Variants in TTC12 observed in about 807,000 individuals in gnomAD.
TTC12 encodes the protein tetratricopeptide repeat protein 12.
TTC12 carries 70 observed loss-of-function variants against 90.1 expected under a neutral mutation model. That is an observed-to-expected ratio of 0.78 (90% CI 0.64 to 0.95). The LOEUF (loss-of-function observed/expected upper bound fraction) is 0.95. TTC12 is among the 40% of genes least tolerant of loss of function. The pLI is 0.00. For synonymous variants in TTC12, 296 were observed against 311.5 expected (o/e 0.95, Z 0.53); for missense variants, 819 against 846.1 (o/e 0.97, Z 0.40).
chr11:113,368,662 T>C, downstream of TTC12: 1 of 682,872 alleles, frequency 1.5e-6, no homozygotes. Context: ...GGACTGAGGT[T>C]CAGAGTTGAG....
intron 5 of TTC12, 67 bp downstream of exon 5, chr11:113,324,749 G>C: frequency 7.1e-7 from 1 of 1,405,998 alleles, no homozygotes; most frequent in Non-Finnish European, 1.0e-6. Flanking sequence ...ACGAAGGCCT[G>C]TATGCTGACA....
At chr11:113,330,647 C>G (rs74409765) in intron 7 of TTC12, among the ~76,000 whole-genome samples, 2 of 152,094 alleles carry the variant, frequency 1.3e-5, no homozygotes, top group Non-Finnish European at 1.5e-5. Flanking sequence ...TACTCTGTCA[C>G]GGGGGTTTTA....
At chr11:113,322,910 C>A (rs1947429517) in intron 2 of TTC12, among the ~76,000 whole-genome samples, 1 of 152,126 alleles carries the variant, frequency 6.6e-6, no homozygotes, top group African/African-American at 2.4e-5. Context: ...CCTGTACTTA[C>A]ATGTTTGTCT....
chr11:113,366,030 G>A (rs1017896732), intron 21 of TTC12, among the ~76,000 whole-genome samples, 195 bp from the exon 22 acceptor site: 7 of 152,156 alleles, frequency 4.6e-5, no homozygotes, highest in Non-Finnish European at 7.4e-5. Flanking sequence ...TCAGTGCTTT[G>A]TGGGCCTCCC....
At position 113,364,869 on chromosome 11, in the gene TTC12, G is replaced by C; in HGVS notation, c.1851G>C (p.Glu617Asp). The change falls in exon 21 of 22, where the codon GAG (glutamate) becomes GAC (aspartate). Residue 617 changes from glutamate to aspartate, a missense_variant. By Grantham distance (45) the Glu-to-Asp change is conservative. Transcript: ENST00000529221. ...TTATGATGAAGCTGCTCAGCTCGGAGGATGAGGTTCTGGTGGGCAACGCTG... is the reference window on the plus strand; with the variant it reads ...TTATGATGAAGCTGCTCAGCTCGGACGATGAGGTTCTGGTGGGCAACGCTG... ...LSVMMKLLSS[E>D]DEVLVGNAAL... 6.2e-7 allele frequency: 1 copy of C among 1,614,238 alleles called. No individual in the cohort carries two copies.
intron 12 of TTC12, 77 bp from the exon 13 acceptor site, chr11:113,344,195 A>T (rs530140149): frequency 1.4e-6 from 2 of 1,473,856 alleles, no homozygotes; most frequent in East Asian, 2.3e-5. Context: ...TGAGTTTCCC[A>T]TTAGGATAGA....
In TTC12 at chr11:113,340,842, C is replaced by A. The variant is rs572672803; in HGVS notation, c.896+109C>A. On this transcript the variant is annotated intron_variant, in intron 11 of 21. Transcript: ENST00000529221. ...CAGTCACGTTTCTGAACATTACCCC[C>A]CTTCAGTCAGTAGTGGGGGGCTCTC... 9 of 926,818 alleles carry A rather than the reference C, an allele frequency of 9.7e-6. No individual in the cohort carries two copies. In the East Asian group the frequency reaches 2.0e-4, roughly 20 times the overall value. The allele number at this position is 926,818 out of a possible 1,614,324, so 57.4% of individuals were successfully genotyped here.
chr11:113,352,648 A>G (rs1404830217), intron 16 of TTC12, among the ~76,000 whole-genome samples: 1 of 151,948 alleles, frequency 6.6e-6, no homozygotes, highest in African/African-American at 2.4e-5. Context: ...GTTCCCCTCT[A>G]TATGACCACG....
chr11:113,370,050 A>G (rs1950341074), downstream of TTC12, among the ~76,000 whole-genome samples: 1 of 152,208 alleles, frequency 6.6e-6, no homozygotes, highest in Non-Finnish European at 1.5e-5. Context: ...CCATGGCAGC[A>G]GGGCCTGAGA....
rs555548456 is a variant in TTC12, at chr11:113,341,981, G to A, written c.985+56G>A. ...TTAATGCGCTGCGTGCAGGAACTACGCTGTTGGGTGGACTGTCCTCCCCAA... is the reference window on the plus strand; with the variant it reads ...TTAATGCGCTGCGTGCAGGAACTACACTGTTGGGTGGACTGTCCTCCCCAA... On this transcript the variant is annotated intron_variant, in intron 12 of 21. Coordinates refer to ENST00000529221, the MANE Select transcript of TTC12 (RefSeq NM_017868.4). The A allele has an allele frequency of 6.4e-5, 94 of 1,460,612 alleles. No homozygotes were observed. In the East Asian group the frequency reaches 6.8e-4, roughly 11 times the overall value. 90.5% of individuals were successfully genotyped at this position (1,460,612 alleles called of 1,614,324 possible). A position where few individuals can be genotyped will look rare whatever the true frequency, so the allele number is the denominator to read the frequency against.
intron 18 of TTC12, 64 bp downstream of exon 18, chr11:113,360,072 T>G (rs1399598273): frequency 1.7e-6 from 2 of 1,204,862 alleles, no homozygotes; most frequent in African/African-American, 3.0e-5. Context: ...TTGTTTTGTT[T>G]TGTTTTATTA....
chr11:113,341,650 A>G (rs782479104), intron 11 of TTC12, 187 bp from the exon 12 acceptor site: 2 of 585,064 alleles, frequency 3.4e-6, no homozygotes, highest in African/African-American at 3.7e-5. Context: ...TGGCTTCCTC[A>G]GTCTGCATCC....
At chr11:113,367,504 G>C (rs1001823412), downstream of TTC12, among the ~76,000 whole-genome samples, 4 of 152,180 alleles carry the variant, frequency 2.6e-5, no homozygotes, top group African/African-American at 7.2e-5. Flanking sequence ...GACGTCATTT[G>C]GGTTAAGTTT....
chr11:113,317,181 C>T (rs1207929944), intron 2 of TTC12, among the ~76,000 whole-genome samples: 1 of 152,194 alleles, frequency 6.6e-6, no homozygotes, highest in African/African-American at 2.4e-5. Flanking sequence ...TCATGACCCC[C>T]ACATCTACAT....
intron 16 of TTC12, among the ~76,000 whole-genome samples, chr11:113,356,073 A>G (rs886465937): frequency 2.0e-5 from 3 of 152,204 alleles, no homozygotes; most frequent in African/African-American, 7.2e-5. Context: ...TGTCAGACTA[A>G]GTCTCTTTGA....
intron 16 of TTC12, among the ~76,000 whole-genome samples, chr11:113,354,873 G>C (rs578188160): frequency 6.6e-5 from 10 of 150,772 alleles, no homozygotes; most frequent in African/African-American, 2.5e-4. Context: ...ATTTTGTTGA[G>C]GATATTTGCA....
downstream of TTC12, chr11:113,368,230 G>A (rs1261940305): frequency 6.6e-6 from 10 of 1,508,734 alleles, no homozygotes; most frequent in East Asian, 2.6e-4. Context: ...AAGAGAGTCT[G>A]CTGCACCTGA....
intron 8 of TTC12, 100 bp downstream of exon 8, chr11:113,335,137 A>C: frequency 1.1e-6 from 1 of 886,786 alleles, no homozygotes; most frequent in Non-Finnish European, 1.8e-6. Context: ...ATTAGGTATT[A>C]ATCCATCCTT....
Position 113,364,871 on chromosome 11 carries a change from A to T in TTC12, c.1853A>T (p.Asp618Val), listed in dbSNP as rs1389476006. Residue 618 changes from aspartate to valine, a missense_variant, in exon 21 of 22, where the codon GAT (aspartate) becomes GTT (valine). Coordinates refer to ENST00000529221, the MANE Select transcript of TTC12 (RefSeq NM_017868.4). ...SVMMKLLSSE[D>V]EVLVGNAALC... is the part of the protein sequence containing the mutation. ...ATGATGAAGCTGCTCAGCTCGGAGGATGAGGTTCTGGTGGGCAACGCTGCC... is the reference window on the plus strand; with the variant it reads ...ATGATGAAGCTGCTCAGCTCGGAGGTTGAGGTTCTGGTGGGCAACGCTGCC... 1 of 1,613,912 alleles carries T rather than the reference A, an allele frequency of 6.2e-7. No individual in the cohort carries two copies. Among genetic ancestry groups the T allele is most frequent in the East Asian group, 2.2e-5 (1 of 44,882 alleles).
Sources: allele counts gnomAD v4.1 joint callset (sites outside exome capture counted in the v4.1 genomes callset), GRCh38; gene constraint gnomAD v4.1.1; transcripts MANE v1.5; gene names NCBI Gene and HGNC (gene_info 2026-07-23, HGNC 2026-07-21).